Variants in CYP26A1 observed in about 807,000 individuals in gnomAD.
CYP26A1 encodes the protein cytochrome P450 26A1.
A neutral mutation model predicts 47.4 loss-of-function variants in CYP26A1; 46 were observed. That is an observed-to-expected ratio of 0.97 (90% CI 0.77 to 1.24). The LOEUF (loss-of-function observed/expected upper bound fraction) is 1.24, where lower values mean the gene tolerates loss of function less well. Ranked by LOEUF, CYP26A1 falls within the 50% of genes most tolerant of loss-of-function variation. The probability of loss-of-function intolerance (pLI) is 0.00; values close to 1 mark genes in which losing one functional copy is unlikely to be tolerated. For missense variants in CYP26A1, 680 were observed against 644.4 expected, an observed-to-expected ratio of 1.06 and a Z score of -0.60; for synonymous variants, 277 against 263.7, an observed-to-expected ratio of 1.05 and a Z score of -0.49.
In CYP26A1 at chr10:93,074,521, C is replaced by A; in HGVS notation, c.403C>A (p.Gln135Lys). ...TAACCTGCACGACTCCTCGCACAAGCAGCGCAAGAAGGTGGGGGCAGGAGG... is the reference window on the plus strand; with the variant it reads ...TAACCTGCACGACTCCTCGCACAAGAAGCGCAAGAAGGTGGGGGCAGGAGG... The part of the protein sequence containing the change: ...LSNLHDSSHK[Q>K]RKKVIMRAFS... Residue 135 changes from glutamine to lysine, a missense_variant, in exon 2 of 7, where the codon CAG (glutamine) becomes AAG (lysine). Physicochemically the swap from Gln to Lys is moderately conservative, Grantham distance 53 (BLOSUM62 1). Transcript: ENST00000224356. This position sits in a 1 kb window ranked among gnomAD's most constrained non-coding sequence, Gnocchi z 5.3. The A allele has an allele frequency of 6.3e-7, 1 of 1,599,644 alleles. No homozygotes were observed. Among genetic ancestry groups the A allele is most frequent in the Non-Finnish European group, 8.6e-7 (1 of 1,167,618 alleles).
At position 93,077,142 on chromosome 10, in the gene CYP26A1, CA is replaced by C. The variant is rs775129137; in HGVS notation, c.1335del (p.Glu446AsnfsTer23). ...FGGGLRSCVG[K>X]EFAKILLKIF... is the part of the protein sequence containing the mutation. ...GAGGAGGCCTTAGGAGCTGTGTAGGCAAAGAATTTGCAAAAATTCTTCTCAA... is the reference window on the plus strand; with the variant it reads ...GAGGAGGCCTTAGGAGCTGTGTAGGCAAGAATTTGCAAAAATTCTTCTCAA... On this transcript the variant is annotated frameshift_variant, in exon 7 of 7. Transcript: ENST00000224356. LOFTEE classifies it high-confidence loss of function. 1.9e-6 allele frequency: 3 copies of C among 1,614,042 alleles called. No homozygotes were observed. The Admixed American group carries it at 5.0e-5, about 27-fold the overall frequency.
rs897492261 is a variant in CYP26A1 at position 93,076,812 on chromosome 10, A to G, written c.1152+116A>G. The stretch of plus-strand genomic sequence containing the variant: ...GATAATTGTTCTGCCCTATATGGAG[A>G]TATGTTTCAGCAACCTGGATCCACC... On this transcript the variant is annotated intron_variant, in intron 6 of 6. Coordinates refer to ENST00000224356, the MANE Select transcript of CYP26A1 (RefSeq NM_000783.4). 1.1e-5 allele frequency: 11 copies of G among 969,804 alleles called. No homozygotes were observed. The African/African-American group carries it at 1.5e-4, about 13-fold the overall frequency. The allele number at this position is 969,804 out of a possible 1,614,324, so 60.1% of individuals were successfully genotyped here.
At chr10:93,075,098 G>A in intron 3 of CYP26A1, 29 bp downstream of exon 3, 2 of 1,611,042 alleles carry the variant, frequency 1.2e-6, no homozygotes, top group Non-Finnish European at 1.7e-6. Context: ...CTGCGGACTA[G>A]GGGCGCGGGA....
At chr10:93,076,800 C>A in intron 6 of CYP26A1, 104 bp downstream of exon 6, 1 of 1,007,262 alleles carries the variant, frequency 9.9e-7, no homozygotes, top group Non-Finnish European at 1.5e-6. Context: ...AATTGTTCTG[C>A]CCTATATGGA....
At chr10:93,075,666 C>A in intron 4 of CYP26A1, 160 bp from the exon 5 acceptor site, 1 of 610,250 alleles carries the variant, frequency 1.6e-6, no homozygotes, top group Non-Finnish European at 2.9e-6. Context: ...ACTAAAGGGA[C>A]GTTGCATTTT....
In CYP26A1 at chr10:93,075,884, C is replaced by A; in HGVS notation, c.923C>A (p.Ala308Glu). 1 of 1,609,300 alleles carries A rather than the reference C, an allele frequency of 6.2e-7. No homozygotes were observed. Among genetic ancestry groups the A allele is most frequent in the South Asian group, 1.1e-5 (1 of 91,028 alleles). Reference protein sequence around the residue: ...LFGGHETTASAATSLITYLGL... With the variant: ...LFGGHETTASEATSLITYLGL... Reference sequence around the variant, plus strand: ...GGAGGACACGAAACCACGGCCAGTGCAGCCACATCTCTGATCACTTACCTG... The same window carrying A: ...GGAGGACACGAAACCACGGCCAGTGAAGCCACATCTCTGATCACTTACCTG... The change falls in exon 5 of 7, where the codon GCA (alanine) becomes GAA (glutamate). Residue 308 changes from alanine to glutamate, a missense_variant. Coordinates refer to ENST00000224356, the MANE Select transcript of CYP26A1 (RefSeq NM_000783.4).
At chr10:93,075,751 C>A in intron 4 of CYP26A1, 75 bp from the exon 5 acceptor site, 1 of 1,141,930 alleles carries the variant, frequency 8.8e-7, no homozygotes, top group Non-Finnish European at 1.3e-6. Flanking sequence ...CCAGAACTCT[C>A]AGTTCGATTC....
At chr10:93,073,756 AG>A, upstream of CYP26A1, 1 of 568,298 alleles carries the variant, frequency 1.8e-6, no homozygotes, top group Non-Finnish European at 3.1e-6. Context: ...GATTTTGGGC[AG>A]CGCCTCGCGG....
chr10:93,074,631 G>C lies in CYP26A1; in HGVS notation c.414+99G>C. On this transcript the variant is annotated intron_variant, in intron 2 of 6. Transcript: ENST00000224356. This position sits in a 1 kb window ranked among gnomAD's most constrained non-coding sequence, Gnocchi z 5.3. ...AGGCGCGGGCTAGCAGCTTGAGGTG[G>C]GCTAGGACCCTCTGCCAGCTCCAGG... 1 of 1,064,194 alleles carries C rather than the reference G, an allele frequency of 9.4e-7. No individual in the cohort carries two copies. The allele number at this position is 1,064,194 out of a possible 1,614,324, so 65.9% of individuals were successfully genotyped here.
Position 93,074,948 on chromosome 10 carries a change from G to C in CYP26A1, c.584G>C (p.Gly195Ala), listed in dbSNP as rs781517786. The stretch of plus-strand genomic sequence containing the variant: ...CGAATCGCCATGCGCATCCTACTGG[G>C]CTGCGAACCCCAACTGGCGGGCGAC... Reference protein sequence around the residue: ...MFRIAMRILLGCEPQLAGDGD... With the variant: ...MFRIAMRILLACEPQLAGDGD... The change falls in exon 3 of 7, where the codon GGC (glycine) becomes GCC (alanine). Residue 195 changes from glycine to alanine, a missense_variant. By Grantham distance (60) the Gly-to-Ala change is moderately conservative (BLOSUM62 0). Coordinates refer to ENST00000224356, the MANE Select transcript of CYP26A1 (RefSeq NM_000783.4). The surrounding 1 kb of genome is among the most constrained non-coding windows in gnomAD (Gnocchi z 5.3). 1.2e-6 allele frequency: 2 copies of C among 1,613,308 alleles called. No individual in the cohort carries two copies. Among genetic ancestry groups the C allele is most frequent in the Non-Finnish European group, 1.7e-6 (2 of 1,180,030 alleles).
Position 93,074,698 on chromosome 10 carries a change from C to A in CYP26A1, c.415-81C>A. The A allele has an allele frequency of 1.6e-6, 2 of 1,264,104 alleles. No homozygotes were observed. Among genetic ancestry groups the A allele is most frequent in the Non-Finnish European group, 2.2e-6 (2 of 895,040 alleles). The allele number at this position is 1,264,104 out of a possible 1,614,324, so 78.3% of individuals were successfully genotyped here. On this transcript the variant is annotated intron_variant, in intron 2 of 6. Transcript: ENST00000224356. The surrounding 1 kb of genome is among the most constrained non-coding windows in gnomAD (Gnocchi z 5.3). ...GGAGAGTGCCATGTGTCTGGCAGGA[C>A]TGGGGGTGTCTGGAAGGGGACGGCG...
At chr10:93,075,631 G>A (rs1846968058) in intron 4 of CYP26A1, 195 bp from the exon 5 acceptor site, 2 of 589,264 alleles carry the variant, frequency 3.4e-6, no homozygotes, top group Non-Finnish European at 6.0e-6. Flanking sequence ...GAGCGGGGTC[G>A]TACTCGCCTT....
In CYP26A1 at chr10:93,074,269, C is replaced by T. The variant is rs374194944; in HGVS notation, c.190-39C>T. The T allele has an allele frequency of 4.0e-4, 608 of 1,527,220 alleles. 2 individuals carry two copies. The highest frequency in any genetic ancestry group is 4.5e-4 in the Non-Finnish European group (498 of 1,105,960). The allele number at this position is 1,527,220 out of a possible 1,614,324, so 94.6% of individuals were successfully genotyped here. On this transcript the variant is annotated intron_variant, in intron 1 of 6. Coordinates refer to ENST00000224356, the MANE Select transcript of CYP26A1 (RefSeq NM_000783.4). This position sits in a 1 kb window ranked among gnomAD's most constrained non-coding sequence, Gnocchi z 5.3. ...CGGGAGCGCGGCGCTCCCCGGCGCC[C>T]CCTCATGCCCACTTCTCTCCTCCGC...
upstream of CYP26A1, chr10:93,073,672 G>T (rs1846926082): frequency 3.9e-6 from 2 of 508,006 alleles, no homozygotes; most frequent in Non-Finnish European, 6.9e-6. Context: ...TCCTAGCCCC[G>T]CACCCCAGGA....
chr10:93,076,728 G>C (rs1312255308), intron 6 of CYP26A1, 32 bp downstream of exon 6: 3 of 1,541,676 alleles, frequency 1.9e-6, no homozygotes, highest in East Asian at 4.5e-5. Context: ...TCTCCCTTTT[G>C]TTGTGGTTTA....
chr10:93,076,369 AATAG>A (rs1453153581), intron 5 of CYP26A1, 171 bp from the exon 6 acceptor site: 26 of 580,282 alleles, frequency 4.5e-5, no homozygotes, highest in Non-Finnish European at 3.1e-5. Flanking sequence ...TGGGATTGTA[AATAG>A]ATAGTGGATT....
Position 93,074,229 on chromosome 10 carries a change from T to TAGGAGCAGGGCTGGC in CYP26A1, c.190-78_190-64dup. ...CCCCCGGGAGGCATGCTATTGCGGC[T>TAGGAGCAGGGCTGGC]AGGAGCAGGGCTGGCGGGAGCGCGG... On this transcript the variant is annotated intron_variant, in intron 1 of 6. Coordinates refer to ENST00000224356, the MANE Select transcript of CYP26A1 (RefSeq NM_000783.4). The surrounding 1 kb of genome is among the most constrained non-coding windows in gnomAD (Gnocchi z 5.3). 6.5e-7 allele frequency: 1 copy of TAGGAGCAGGGCTGGC among 1,527,656 alleles called. No individual in the cohort carries two copies. The highest frequency in any genetic ancestry group is 8.9e-7 in the Non-Finnish European group (1 of 1,123,024). 94.6% of individuals were successfully genotyped at this position (1,527,656 alleles called of 1,614,324 possible). A position where few individuals can be genotyped will look rare whatever the true frequency, so the allele number is the denominator to read the frequency against.
chr10:93,075,995 CT>C, intron 5 of CYP26A1, 35 bp downstream of exon 5: 1 of 1,576,258 alleles, frequency 6.3e-7, no homozygotes, highest in Non-Finnish European at 8.7e-7. Flanking sequence ...TCCTTATTAG[CT>C]TAGGAAATTC....
rs1188589298 is a variant in CYP26A1 at position 93,075,035 on chromosome 10, T to C, written c.671T>C (p.Leu224Pro). 1.9e-6 allele frequency: 3 copies of C among 1,612,968 alleles called. No homozygotes were observed. Among genetic ancestry groups the C allele is most frequent in the Non-Finnish European group, 1.7e-6 (2 of 1,180,010 alleles). The change falls in exon 3 of 7, where the codon CTG becomes CCG. Residue 224 changes from leucine to proline, a missense_variant. Coordinates refer to ENST00000224356, the MANE Select transcript of CYP26A1 (RefSeq NM_000783.4). Reference protein sequence around the residue: ...FEEMTRNLFSLPIDVPFSGLY... With the variant: ...FEEMTRNLFSPPIDVPFSGLY... ...GAAATGACCCGCAATCTCTTCTCGC[T>C]GCCCATCGACGTGCCCTTCAGCGGG... is the stretch of plus-strand genomic sequence containing the variant.
Sources: gnomAD v4.1 joint callset for allele counts on GRCh38, gnomAD v4.1.1 for gene constraint, Gnocchi (gnomAD v3.1) non-coding constraint, MANE v1.5 for transcripts, NCBI Gene and HGNC (gene_info 2026-07-23, HGNC 2026-07-21) for gene names.